The following IMPDH1 variants were observed in gnomAD, a reference collection of about 807,000 sequenced individuals.
IMPDH1 encodes inosine-5'-monophosphate dehydrogenase 1.
IMPDH1 carries 41 observed loss-of-function variants against 73.5 expected under a neutral mutation model. The ratio of observed to expected loss-of-function variants is 0.56; its 90% CI spans 0.43 to 0.72. IMPDH1 has a LOEUF of 0.72. Ranked by LOEUF, IMPDH1 falls within the 30% of genes least tolerant of loss-of-function variation. IMPDH1 has a pLI of 0.00. For missense variants in IMPDH1, 645 were observed against 824.8 expected, an observed-to-expected ratio of 0.78 and a Z score of 2.67; for synonymous variants, 318 against 334.3, an observed-to-expected ratio of 0.95 and a Z score of 0.53.
Position 128,392,977 on chromosome 7 carries a change from C to T in IMPDH1, c.*30G>A, listed in dbSNP as rs1341849854. ...CAAAAGTGGACACTGGGGTGCATCC[C>T]CTCCACCACCTCGGCCTCCACCGCT... On this transcript the variant is annotated 3_prime_UTR_variant, in exon 17 of 17. Transcript: ENST00000338791. 1 of 1,612,566 alleles carries T rather than the reference C, an allele frequency of 6.2e-7. No individual in the cohort carries two copies. Among genetic ancestry groups the T allele is most frequent in the Non-Finnish European group, 8.5e-7 (1 of 1,178,850 alleles).
chr7:128,403,154 C>G (rs1336627580), intron 5 of IMPDH1, among the ~76,000 whole-genome samples: 1 of 152,182 alleles, frequency 6.6e-6, no homozygotes, highest in Non-Finnish European at 1.5e-5. Flanking sequence ...GAGAGCCACC[C>G]AGCCCTGGGC....
At chr7:128,402,467 T>C (rs1228369757) in intron 5 of IMPDH1, among the ~76,000 whole-genome samples, 1 of 152,174 alleles carries the variant, frequency 6.6e-6, no homozygotes, top group Non-Finnish European at 1.5e-5. Flanking sequence ...AAAGCCACAC[T>C]GGCCAGTAAA....
chr7:128,398,390 C>G lies in IMPDH1; in HGVS notation c.1074+24G>C, dbSNP rs1243100652. On this transcript the variant is annotated intron_variant, in intron 10 of 16. Transcript: ENST00000338791. The surrounding 1 kb of genome is among the most constrained non-coding windows in gnomAD (Gnocchi z 4.3). ...CTGCTGAACCACTCATCCATCTCCC[C>G]CACCACTCAGGCGGGGGCCTTACCA... The G allele has an allele frequency of 6.2e-7, 1 of 1,604,886 alleles. No homozygotes were observed. Among genetic ancestry groups the G allele is most frequent in the South Asian group, 1.1e-5 (1 of 90,780 alleles).
intron 3 of IMPDH1, among the ~76,000 whole-genome samples, chr7:128,408,489 T>G (rs1372121663): frequency 6.7e-6 from 1 of 148,272 alleles, no homozygotes; most frequent in Non-Finnish European, 1.5e-5. Flanking sequence ...GGTGGAGGTC[T>G]GGCCAGCAGG....
intron 3 of IMPDH1, 57 bp from the exon 4 acceptor site, chr7:128,405,922 G>C (rs1798705738): frequency 2.1e-6 from 3 of 1,451,290 alleles, no homozygotes; most frequent in Admixed American, 2.3e-5. Context: ...CGCCGCTGCC[G>C]CCGCTGCTGC....
At chr7:128,407,473 G>A (rs1168469570) in intron 3 of IMPDH1, among the ~76,000 whole-genome samples, 1 of 152,232 alleles carries the variant, frequency 6.6e-6, no homozygotes, top group Admixed American at 6.5e-5. Flanking sequence ...TGGGGGACCA[G>A]GGGAGCGTCC....
rs199845459 is a variant in IMPDH1, at chr7:128,400,904, G to C, written c.505-13C>G. On this transcript the variant is annotated splice_polypyrimidine_tract_variant and intron_variant, in intron 6 of 16. Coordinates refer to ENST00000338791, the MANE Select transcript of IMPDH1 (RefSeq NM_000883.4). ...TACCTCCCATCAGCTGATGTAGAAG[G>C]GAAGTGTGGTCAGAGCCGGGGCCCA... 27 of 1,613,188 alleles carry C rather than the reference G, an allele frequency of 1.7e-5. No homozygotes were observed. Among genetic ancestry groups the C allele is most frequent in the Non-Finnish European group, 2.2e-5 (26 of 1,179,216 alleles).
In IMPDH1 at chr7:128,396,770, C is replaced by T; in HGVS notation, c.1166-75G>A. ...GCCTGCCCAACAGCCTCTTGGGACC[C>T]CAGTCTAGCACCCCCCAACCCCCCT... On this transcript the variant is annotated intron_variant, in intron 11 of 16. Transcript: ENST00000338791. The surrounding 1 kb of genome is among the most constrained non-coding windows in gnomAD (Gnocchi z 4.0). The T allele has an allele frequency of 7.4e-7, 1 of 1,352,880 alleles. No individual in the cohort carries two copies. The highest frequency in any genetic ancestry group is 1.0e-6 in the Non-Finnish European group (1 of 967,826). 83.8% of individuals were successfully genotyped at this position (1,352,880 alleles called of 1,614,324 possible).
At chr7:128,400,733 G>T in intron 7 of IMPDH1, 84 bp downstream of exon 7, 2 of 1,269,994 alleles carry the variant, frequency 1.6e-6, no homozygotes, top group Non-Finnish European at 2.3e-6. Flanking sequence ...GTGTAGCAGT[G>T]CAGGGCTGGC....
Sources: gnomAD v4.1 joint callset for allele counts (sites outside exome capture counted in the v4.1 genomes callset) on GRCh38, gnomAD v4.1.1 for gene constraint, Gnocchi (gnomAD v3.1) non-coding constraint, MANE v1.5 for transcripts, NCBI Gene and HGNC (gene_info 2026-07-23, HGNC 2026-07-21) for gene names.